The following USP34 variants were observed in gnomAD, a reference collection of about 807,000 sequenced individuals.
The protein encoded by USP34 is ubiquitin specific peptidase 34, also known as ubiquitin carboxyl-terminal hydrolase 34.
A neutral mutation model predicts 460.3 loss-of-function variants in USP34; 70 were observed. The ratio of observed to expected loss-of-function variants is 0.15; its 90% CI spans 0.13 to 0.19. USP34 has a LOEUF of 0.19. Among genes scored for constraint, USP34 ranks in the 10% least tolerant of loss-of-function variants. The pLI is 1.00. For missense variants in USP34, 3,985 were observed against 4,236.2 expected (o/e 0.94, Z 1.65); for synonymous variants, 1,647 against 1,405.3 (o/e 1.17, Z -3.85).
At chr2:61,408,881 G>C (rs138066775) in intron 2 of USP34, among the ~76,000 whole-genome samples, 72 of 151,894 alleles carry the variant, frequency 4.7e-4, no homozygotes, top group African/African-American at 1.6e-3. Flanking sequence ...GAGACAGAGT[G>C]AGACACTCCC....
intron 23 of USP34, among the ~76,000 whole-genome samples, chr2:61,317,002 G>T (rs1247805511): frequency 6.6e-6 from 1 of 152,052 alleles, no homozygotes; most frequent in Non-Finnish European, 1.5e-5. Flanking sequence ...GTCTTGCTTT[G>T]TTGCCCAGGC....
intron 2 of USP34, 152 bp from the exon 3 acceptor site, chr2:61,406,280 T>G: frequency 1.5e-6 from 1 of 657,972 alleles, no homozygotes; most frequent in Non-Finnish European, 2.4e-6. Context: ...AACATAAAGA[T>G]AGCATCGCAA....
rs762517828 is a variant in USP34, at chr2:61,348,264, G to C, written c.1891C>G (p.His631Asp). 1 of 1,614,138 alleles carries C rather than the reference G, an allele frequency of 6.2e-7. No individual in the cohort carries two copies. The highest frequency in any genetic ancestry group is 1.7e-5 in the Admixed American group (1 of 60,018). ...CCACAACTGCTTTTGGGAGGATTAT[G>C]ACCATGATCATCGTCTTCATCTTCC... The part of the protein sequence containing the change: ...KEEDEDDDHG[H>D]NPPKSSCGTD... The change falls in exon 15 of 80, where the codon CAT becomes GAT. Residue 631 changes from histidine (H) to aspartate (D), a missense_variant. His to Asp is a moderately conservative substitution (Grantham distance 81, BLOSUM62 -1). Coordinates refer to ENST00000398571, the MANE Select transcript of USP34 (RefSeq NM_014709.4).
chr2:61,265,344 A>G, intron 43 of USP34, 53 bp downstream of exon 43: 2 of 1,546,646 alleles, frequency 1.3e-6, no homozygotes, highest in Non-Finnish European at 1.7e-6. Flanking sequence ...TTTATCAACA[A>G]AATATTAAAA....
chr2:61,374,765 C>T lies in USP34; in HGVS notation c.1076+3598G>A, dbSNP rs373869649. 1.3e-4 allele frequency among the ~76,000 whole-genome samples: 20 copies of T among 152,184 alleles called. No individual in the cohort carries two copies. In the South Asian group the frequency reaches 2.5e-3, roughly 19 times the overall value. ...TGTATTTTTAGTAGAGACGGGGTTT[C>T]GCCATGTTGCCCAGGCTAGTCTTGA... On this transcript the variant is annotated intron_variant, in intron 8 of 79. Transcript: ENST00000398571.
chr2:61,435,550 C>T (rs1694790134), intron 1 of USP34, among the ~76,000 whole-genome samples: 3 of 151,810 alleles, frequency 2.0e-5, no homozygotes, highest in African/African-American at 7.3e-5. Flanking sequence ...CAAAGAAAAA[C>T]TGAGGAAATA....
At chr2:61,294,037 CAAG>C (rs1172059222) in intron 32 of USP34, among the ~76,000 whole-genome samples, 1 of 151,314 alleles carries the variant, frequency 6.6e-6, no homozygotes, top group Non-Finnish European at 1.5e-5. Flanking sequence ...ATAAAACAAA[CAAG>C]AATTTAAAAA....
intron 10 of USP34, among the ~76,000 whole-genome samples, chr2:61,362,724 T>C (rs1452200352): frequency 6.6e-6 from 1 of 152,238 alleles, no homozygotes; most frequent in East Asian, 1.9e-4. Flanking sequence ...TACAGCAATG[T>C]GACTACAGTT....
At chr2:61,319,022 G>A in intron 22 of USP34, 151 bp downstream of exon 22, 1 of 660,820 alleles carries the variant, frequency 1.5e-6, no homozygotes, top group Non-Finnish European at 2.3e-6. Flanking sequence ...AGCACAATCT[G>A]ACCAAAAATT....
intron 20 of USP34, among the ~76,000 whole-genome samples, chr2:61,329,044 G>A (rs745972004): frequency 3.3e-5 from 5 of 152,104 alleles, no homozygotes; most frequent in Middle Eastern, 3.2e-3. Context: ...TTTTTGAGAC[G>A]GAGTTTCACT....
chr2:61,435,634 A>AATG (rs1694792220), intron 1 of USP34, among the ~76,000 whole-genome samples: 1 of 152,190 alleles, frequency 6.6e-6, no homozygotes, highest in African/African-American at 2.4e-5. Context: ...AACAAAGGAT[A>AATG]TATAATGTAG....
Position 61,192,969 on chromosome 2 carries a change from C to A in USP34, c.9520G>T (p.Ala3174Ser). The change falls in exon 76 of 80, where the codon GCC (alanine) becomes TCC (serine). Residue 3174 changes from alanine to serine, a missense_variant. By Grantham distance (99) the Ala-to-Ser change is moderately conservative. Coordinates refer to ENST00000398571, the MANE Select transcript of USP34 (RefSeq NM_014709.4). ...ETLVKLSVLV[A>S]YEGLPLHLAL... ...AGATGAAGTGGCAAACCTTCATAGGCAACTAGGACACCTAATATTTGAAAA... is the reference window on the plus strand; with the variant it reads ...AGATGAAGTGGCAAACCTTCATAGGAAACTAGGACACCTAATATTTGAAAA... 3 of 1,613,408 alleles carry A rather than the reference C, an allele frequency of 1.9e-6. No individual in the cohort carries two copies. The highest frequency in any genetic ancestry group is 2.5e-6 in the Non-Finnish European group (3 of 1,179,554).
chr2:61,396,386 T>C lies in USP34; in HGVS notation c.553-1153A>G, dbSNP rs76566014. On this transcript the variant is annotated intron_variant, in intron 3 of 79. Transcript: ENST00000398571. ...TTTTGTTCTAAGGAACTAATCATACTAGTACTGGAAAATATACGCATAACG... is the reference window on the plus strand; with the variant it reads ...TTTTGTTCTAAGGAACTAATCATACCAGTACTGGAAAATATACGCATAACG... Among the ~76,000 whole-genome samples the C allele has an allele frequency of 8.1e-3, 1,226 of 152,298 alleles. 16 individuals carry two copies. Among genetic ancestry groups the C allele is most frequent in the African/African-American group, 0.027 (1,116 of 41,556 alleles).
chr2:61,213,150 C>T (rs565406995), intron 68 of USP34, among the ~76,000 whole-genome samples: 8 of 151,950 alleles, frequency 5.3e-5, no homozygotes, highest in Non-Finnish European at 7.4e-5. Context: ...CAAGCAGCTG[C>T]GACTATAGGT....
At chr2:61,331,868 T>C (rs994259269) in intron 19 of USP34, among the ~76,000 whole-genome samples, 2 of 152,154 alleles carry the variant, frequency 1.3e-5, no homozygotes, top group East Asian at 1.9e-4. Flanking sequence ...AATAGTGGCA[T>C]ATACATTCAG....
At chr2:61,287,795 T>C (rs774031895) in intron 34 of USP34, among the ~76,000 whole-genome samples, 4 of 152,202 alleles carry the variant, frequency 2.6e-5, no homozygotes, top group Non-Finnish European at 5.9e-5. Context: ...GTAGTTAAGT[T>C]CTAGGGGAGT....
In USP34 at chr2:61,394,993, C is replaced by G. The variant is rs1558568874; in HGVS notation, c.613G>C (p.Val205Leu). 1.9e-6 allele frequency: 3 copies of G among 1,579,464 alleles called. No individual in the cohort carries two copies. The highest frequency in any genetic ancestry group is 1.7e-6 in the Non-Finnish European group (2 of 1,170,218). The change falls in exon 5 of 80, where the codon GTA (valine) becomes CTA (leucine). Residue 205 changes from valine (V) to leucine (L), a missense_variant. Physicochemically the swap from Val to Leu is conservative, Grantham distance 32 (BLOSUM62 1). This residue lies in a region of USP34 where 331 missense variants were observed against 293.7 expected (regional missense o/e 1.13). Transcript: ENST00000398571. The stretch of plus-strand genomic sequence containing the variant: ...ACATAACGAAGCAAATGCAATGGTA[C>G]TTCTACATCCTGGGAAAATAAAGAA... ...GAFCDMNDVE[V>L]PLHLLRYVCL...
intron 34 of USP34, among the ~76,000 whole-genome samples, chr2:61,285,487 A>T (rs1302092389): frequency 7.8e-5 from 2 of 25,542 alleles, no homozygotes; most frequent in African/African-American, 2.0e-4. Context: ...AATCTGTCTC[A>T]AAAAAAAAAA....
intron 8 of USP34, among the ~76,000 whole-genome samples, chr2:61,373,326 G>A (rs1383290921): frequency 6.6e-6 from 1 of 150,722 alleles, no homozygotes; most frequent in Non-Finnish European, 1.5e-5. Flanking sequence ...AAAATTATTA[G>A]TGAATTAAGA....
Sources: gnomAD v4.1 joint callset for allele counts (sites outside exome capture counted in the v4.1 genomes callset) on GRCh38, gnomAD v4.1.1 for gene constraint, gnomAD v4.1.1 regional missense constraint, MANE v1.5 for transcripts, NCBI Gene and HGNC (gene_info 2026-07-23, HGNC 2026-07-21) for gene names.